The following RBL1 variants were observed in gnomAD, a reference collection of about 807,000 sequenced individuals.
The protein encoded by RBL1 is retinoblastoma-like protein 1.
RBL1 carries 82 observed loss-of-function variants against 123.0 expected under a neutral mutation model. That is an observed-to-expected ratio of 0.67 (90% CI 0.56 to 0.80). The LOEUF is 0.80. RBL1 is among the 30% of genes least tolerant of loss of function. The pLI is 0.00. For missense variants in RBL1, 1,171 were observed against 1,299.6 expected (o/e 0.90, Z 1.52); for synonymous variants, 405 against 441.3 (o/e 0.92, Z 1.03).
chr20:37,064,091 G>A (rs2065139962), intron 7 of RBL1, among the ~76,000 whole-genome samples: 1 of 151,654 alleles, frequency 6.6e-6, no homozygotes, highest in Admixed American at 6.6e-5. Context: ...CCAAAGTGCT[G>A]GGATTACAGG....
Position 37,002,725 on chromosome 20 carries a change from T to G in RBL1, c.3036+977A>C, listed in dbSNP as rs568801262. On this transcript the variant is annotated intron_variant, in intron 21 of 21. Coordinates refer to ENST00000373664, the MANE Select transcript of RBL1 (RefSeq NM_002895.5). Reference sequence around the variant, plus strand: ...TCCTTAGAGTAATGATTTTCAACATTTTTTTTTTTTGAGACAGAGTCTCGT... The same window carrying G: ...TCCTTAGAGTAATGATTTTCAACATGTTTTTTTTTTGAGACAGAGTCTCGT... 9.5e-5 allele frequency among the ~76,000 whole-genome samples: 14 copies of G among 147,622 alleles called. No homozygotes were observed. In the South Asian group the frequency reaches 3.0e-3, roughly 31 times the overall value.
rs554208218 is a variant in RBL1, at chr20:36,998,353, T to G, written c.*406A>C. ...AGCAATTCTGCCTCAGCCTCCCAAG[T>G]AGCTGGGATTACAGGCATGCGCCAC... On this transcript the variant is annotated 3_prime_UTR_variant, in exon 22 of 22. Transcript: ENST00000373664. 3.6e-4 allele frequency: 55 copies of G among 154,268 alleles called. No homozygotes were observed. Among genetic ancestry groups the G allele is most frequent in the Non-Finnish European group, 6.5e-4 (45 of 69,458 alleles). 9.6% of individuals were successfully genotyped at this position (154,268 alleles called of 1,614,324 possible).
chr20:37,035,356 A>G lies in RBL1; in HGVS notation c.2056T>C (p.Ser686Pro). The change falls in exon 15 of 22, where the codon TCT becomes CCT. Residue 686 changes from serine to proline, a missense_variant. Transcript: ENST00000373664. ...ACATTTTCAGCAGTAATGCTTGAAGAAGGAGCGATTTTCAATTTTGTTCCT... is the reference window on the plus strand; with the variant it reads ...ACATTTTCAGCAGTAATGCTTGAAGGAGGAGCGATTTTCAATTTTGTTCCT... ...TEGTKLKIAP[S>P]SSITAENVSI... The G allele has an allele frequency of 6.2e-7, 1 of 1,614,124 alleles. No individual in the cohort carries two copies. Among genetic ancestry groups the G allele is most frequent in the Non-Finnish European group, 8.5e-7 (1 of 1,180,016 alleles).
At chr20:37,016,883 CAGAAA>C (rs142828607) in intron 19 of RBL1, among the ~76,000 whole-genome samples, 4 of 122,240 alleles carry the variant, frequency 3.3e-5, no homozygotes, top group African/African-American at 6.2e-5. Flanking sequence ...GATCCTGTCT[CAGAAA>C]AGAAAAGAAA....
chr20:37,002,336 GTTTT>G (rs965408801), intron 21 of RBL1, among the ~76,000 whole-genome samples: 109 of 76,338 alleles, frequency 1.4e-3, no homozygotes, highest in African/African-American at 4.3e-3. Context: ...AGCCTTATCT[GTTTT>G]TTTTTTTTTT....
intron 1 of RBL1, among the ~76,000 whole-genome samples, chr20:37,091,978 T>G (rs1395223259): frequency 6.6e-6 from 1 of 152,074 alleles, no homozygotes; most frequent in Non-Finnish European, 1.5e-5. Context: ...CATGGTGGCT[T>G]ACGCATGTAA....
At chr20:37,027,375 T>C (rs1004361495) in intron 16 of RBL1, among the ~76,000 whole-genome samples, 2 of 152,028 alleles carry the variant, frequency 1.3e-5, no homozygotes, top group East Asian at 3.9e-4. Flanking sequence ...AGTAGAGAAA[T>C]ACACTTAAAT....
chr20:37,095,900 C>G lies in RBL1; in HGVS notation c.29G>C (p.Gly10Ala), dbSNP rs1278668966. Reference sequence around the variant, plus strand: ...CCCGGCTGCGGCGACCACCGCCGCCCCCTCAGCGTGGGGCTTGTCCTCGAA... The same window carrying G: ...CCCGGCTGCGGCGACCACCGCCGCCGCCTCAGCGTGGGGCTTGTCCTCGAA... MFEDKPHAE[G>A]AAVVAAAGEA... The change falls in exon 1 of 22, where the codon GGG (glycine) becomes GCG (alanine). Residue 10 changes from glycine (G) to alanine (A), a missense_variant. Coordinates refer to ENST00000373664, the MANE Select transcript of RBL1 (RefSeq NM_002895.5). 6.2e-7 allele frequency: 1 copy of G among 1,601,842 alleles called. No homozygotes were observed. The highest frequency in any genetic ancestry group is 1.7e-5 in the Admixed American group (1 of 59,380).
At position 37,086,683 on chromosome 20, in the gene RBL1, C is replaced by T. The variant is rs144211429; in HGVS notation, c.290+2306G>A. On this transcript the variant is annotated intron_variant, in intron 2 of 21. Transcript: ENST00000373664. The stretch of plus-strand genomic sequence containing the variant: ...AGACAATGACCACAAATAGTTTTGT[C>T]CCAGAAACAAAGAATATTAGCATGA... Among the ~76,000 whole-genome samples the T allele has an allele frequency of 2.7e-3, 418 of 152,274 alleles. 2 individuals carry two copies. Among genetic ancestry groups the T allele is most frequent in the African/African-American group, 9.4e-3 (392 of 41,560 alleles).
At chr20:37,093,948 C>T (rs1391659684) in intron 1 of RBL1, among the ~76,000 whole-genome samples, 1 of 151,758 alleles carries the variant, frequency 6.6e-6, no homozygotes, top group Admixed American at 6.6e-5. Flanking sequence ...CGGCCAAGAC[C>T]CTGTTTCTAA....
At chr20:37,007,004 T>C (rs2064085029) in intron 20 of RBL1, among the ~76,000 whole-genome samples, 1 of 151,988 alleles carries the variant, frequency 6.6e-6, no homozygotes, top group Non-Finnish European at 1.5e-5. Context: ...CCCATCACTT[T>C]AGGAGGCTGA....
intron 11 of RBL1, among the ~76,000 whole-genome samples, chr20:37,050,176 T>C (rs928549297): frequency 1.3e-5 from 2 of 150,860 alleles, no homozygotes; most frequent in Non-Finnish European, 3.0e-5. Context: ...TTAGAGAACA[T>C]GAAAGAGAAA....
intron 19 of RBL1, among the ~76,000 whole-genome samples, chr20:37,010,410 TA>T (rs1390071858): frequency 2.6e-5 from 4 of 152,344 alleles, no homozygotes; most frequent in African/African-American, 9.6e-5. Context: ...TGCATATATG[TA>T]TACATAGTTG....
At chr20:36,999,781 C>G (rs1362749780) in intron 21 of RBL1, among the ~76,000 whole-genome samples, 3 of 152,240 alleles carry the variant, frequency 2.0e-5, no homozygotes, top group African/African-American at 7.2e-5. Context: ...GACGGAGTCG[C>G]GTTTACTCAG....
chr20:37,047,951 T>C (rs557156454), intron 11 of RBL1, among the ~76,000 whole-genome samples: 15 of 152,108 alleles, frequency 9.9e-5, no homozygotes, highest in African/African-American at 3.1e-4. Context: ...CCACACTCCA[T>C]ACTGGGCGAC....
chr20:37,084,388 A>G (rs565841856), intron 2 of RBL1, among the ~76,000 whole-genome samples: 2 of 152,338 alleles, frequency 1.3e-5, no homozygotes, highest in South Asian at 4.1e-4. Flanking sequence ...GTATCATTAA[A>G]AAAATTAATG....
At chr20:37,002,342 T>TTTTTTTTTTTTTTTTTTTTTTTTTTTTG in intron 21 of RBL1, among the ~76,000 whole-genome samples, 1 of 101,138 alleles carries the variant, frequency 9.9e-6, no homozygotes, top group Non-Finnish European at 2.2e-5. Flanking sequence ...ATCTGTTTTT[T>TTTTTTTTTTTTTTTTTTTTTTTTTTTTG]TTTTTTTTTT....
At chr20:37,090,471 T>A (rs776768034) in intron 1 of RBL1, among the ~76,000 whole-genome samples, 6 of 152,202 alleles carry the variant, frequency 3.9e-5, no homozygotes, top group Non-Finnish European at 7.3e-5. Context: ...TTCTCTTTAG[T>A]GTGGCAGGGA....
intron 3 of RBL1, 131 bp downstream of exon 3, chr20:37,067,855 A>C: frequency 9.5e-7 from 1 of 1,055,414 alleles, no homozygotes; most frequent in Non-Finnish European, 1.4e-6. Context: ...ATAATTGTAC[A>C]TGGATTTAAA....
Sources: gnomAD v4.1 joint callset for allele counts (sites outside exome capture counted in the v4.1 genomes callset) on GRCh38, gnomAD v4.1.1 for gene constraint, MANE v1.5 for transcripts, NCBI Gene and HGNC (gene_info 2026-07-23, HGNC 2026-07-21) for gene names.